SESN1: variants seen among roughly 807,000 people sequenced by gnomAD.
The protein encoded by SESN1 is sestrin-1.
In SESN1, 30 loss-of-function variants were observed where a neutral mutation model predicts 59.3. The ratio of observed to expected loss-of-function variants is 0.51; its 90% CI spans 0.38 to 0.69. The LOEUF (loss-of-function observed/expected upper bound fraction) is 0.69, where lower values mean the gene tolerates loss of function less well. Among genes scored for constraint, SESN1 ranks in the 30% least tolerant of loss-of-function variants. The pLI, the probability that SESN1 is intolerant of heterozygous loss-of-function variation, is 0.00. For missense variants in SESN1, 566 were observed against 673.0 expected (o/e 0.84, Z 1.76); for synonymous variants, 197 against 219.9 (o/e 0.90, Z 0.92).
chr6:109,005,094 A>G (rs1779706739), intron 1 of SESN1, among the ~76,000 whole-genome samples: 2 of 152,358 alleles, frequency 1.3e-5, no homozygotes, highest in South Asian at 4.1e-4. Flanking sequence ...AGATGTGCTC[A>G]CATTTGTGAA....
intron 1 of SESN1, among the ~76,000 whole-genome samples, chr6:109,029,459 T>C (rs749707593): frequency 1.1e-4 from 17 of 152,238 alleles, no homozygotes; most frequent in Non-Finnish European, 2.1e-4. Context: ...CTGTGAATAC[T>C]GAATTTTAAA....
At chr6:109,060,612 C>T (rs969634054) in intron 1 of SESN1, among the ~76,000 whole-genome samples, 3 of 152,120 alleles carry the variant, frequency 2.0e-5, no homozygotes, top group Non-Finnish European at 4.4e-5. Flanking sequence ...CCTCATTTAC[C>T]TTTTTAGGTC....
rs75293371 is a variant in SESN1, at chr6:109,053,353, G to A, written c.279+40442C>T. Among the ~76,000 whole-genome samples, 1,337 of 152,198 alleles carry A rather than the reference G, an allele frequency of 8.8e-3. 28 individuals carry two copies. Among genetic ancestry groups the A allele is most frequent in the African/African-American group, 0.031 (1,286 of 41,532 alleles). ...AACCCAAACAATAAGACAACAGAGC[G>A]CTTAAGTCATATGCCACATATCCCA... On this transcript the variant is annotated intron_variant, in intron 1 of 9. Coordinates refer to ENST00000436639, the MANE Select transcript of SESN1 (RefSeq NM_014454.3).
intron 1 of SESN1, among the ~76,000 whole-genome samples, chr6:109,084,949 A>AAAAAGGCGGGAGAAGCCCCGG (rs1781188327): frequency 6.6e-6 from 1 of 152,178 alleles, no homozygotes; most frequent in African/African-American, 2.4e-5. Context: ...TAAAATACCA[A>AAAAAGGCGGGAGAAGCCCCGG]CTGGGAAAAT....
At chr6:109,015,460 C>T (rs757020469) in intron 1 of SESN1, among the ~76,000 whole-genome samples, 4 of 152,196 alleles carry the variant, frequency 2.6e-5, no homozygotes, top group Non-Finnish European at 5.9e-5. Flanking sequence ...GATTCAGAAA[C>T]ACTTTGTAAC....
At chr6:109,001,155 CAG>C (rs1308741693) in intron 3 of SESN1, 131 bp downstream of exon 3, 2 of 780,544 alleles carry the variant, frequency 2.6e-6, no homozygotes, top group Admixed American at 6.2e-5. Flanking sequence ...ATAGGAAAAA[CAG>C]AGACTGTGCA....
chr6:109,005,728 T>G (rs1415218040), intron 1 of SESN1, among the ~76,000 whole-genome samples: 1 of 152,100 alleles, frequency 6.6e-6, no homozygotes, highest in African/African-American at 2.4e-5. Flanking sequence ...GCCTCCAAAT[T>G]GAAGAGTCCT....
intron 1 of SESN1, among the ~76,000 whole-genome samples, chr6:109,053,048 G>A (rs1464771535): frequency 6.7e-6 from 1 of 149,856 alleles, no homozygotes; most frequent in Non-Finnish European, 1.5e-5. Context: ...AGACTAGGAT[G>A]TGTGTGTGTG....
intron 1 of SESN1, among the ~76,000 whole-genome samples, chr6:109,017,555 G>T (rs1461126204): frequency 6.6e-6 from 1 of 152,084 alleles, no homozygotes; most frequent in Admixed American, 6.6e-5. Flanking sequence ...AAAGTGCTGG[G>T]ATTGCAGGTG....
rs761118327 is a variant in SESN1 at position 109,093,933 on chromosome 6, A to T, written c.141T>A (p.His47Gln). 1.9e-6 allele frequency: 3 copies of T among 1,614,206 alleles called. No individual in the cohort carries two copies. The highest frequency in any genetic ancestry group is 2.5e-6 in the Non-Finnish European group (3 of 1,180,046). ...TATTTGAAAGCCCGTCTGATGGACG[A>T]TGAGGTGTTTCTTTCACCGAACGAA... ...EYLRSVKETPHRPSDGLSNTE... is the reference protein window; with the variant it reads ...EYLRSVKETPQRPSDGLSNTE... The change falls in exon 1 of 10, where the codon CAT (histidine) becomes CAA (glutamine). Residue 47 changes from histidine (H) to glutamine (Q), a missense_variant. By Grantham distance (24) the His-to-Gln change is conservative (BLOSUM62 0). Coordinates refer to ENST00000436639, the MANE Select transcript of SESN1 (RefSeq NM_014454.3).
chr6:108,997,710 C>T (rs1779529079), intron 5 of SESN1, among the ~76,000 whole-genome samples: 1 of 152,152 alleles, frequency 6.6e-6, no homozygotes. Context: ...CCTGTCAAAT[C>T]TATTTCAAAG....
At chr6:109,007,627 A>G (rs1779760056) in intron 1 of SESN1, among the ~76,000 whole-genome samples, 1 of 148,606 alleles carries the variant, frequency 6.7e-6, no homozygotes, top group Admixed American at 6.7e-5. Context: ...GATTGCCTAT[A>G]GCTGGGTGCT....
chr6:109,014,941 A>G (rs1004568312), intron 1 of SESN1, among the ~76,000 whole-genome samples: 1 of 152,224 alleles, frequency 6.6e-6, no homozygotes, highest in African/African-American at 2.4e-5. Flanking sequence ...TCTCAATAGG[A>G]TATAAGCTTC....
At chr6:109,020,305 A>AT (rs1161004069) in intron 1 of SESN1, among the ~76,000 whole-genome samples, 1 of 152,240 alleles carries the variant, frequency 6.6e-6, no homozygotes, top group Non-Finnish European at 1.5e-5. Context: ...AATAGATTAG[A>AT]TTTTAGTATT....
chr6:109,021,975 A>T (rs1414796035), intron 1 of SESN1, among the ~76,000 whole-genome samples: 1 of 152,148 alleles, frequency 6.6e-6, no homozygotes, highest in Admixed American at 6.5e-5. Flanking sequence ...AAATTTATAT[A>T]TGTGGATATA....
At chr6:108,993,870 G>A (rs1026948037) in intron 6 of SESN1, among the ~76,000 whole-genome samples, 6 of 151,584 alleles carry the variant, frequency 4.0e-5, no homozygotes, top group South Asian at 2.1e-4. Flanking sequence ...ACAAACTGCC[G>A]TGCCCAAAAA....
intron 1 of SESN1, among the ~76,000 whole-genome samples, chr6:109,038,848 A>G (rs1780286693): frequency 6.6e-6 from 1 of 151,986 alleles, no homozygotes; most frequent in Non-Finnish European, 1.5e-5. Context: ...GAAAGGAAAA[A>G]GAAGAGCAAG....
At position 108,984,314 on chromosome 6, in the gene SESN1, T is replaced by C. The variant is rs989931912; in HGVS notation, c.*3230A>G. 6.6e-6 allele frequency among the ~76,000 whole-genome samples: 1 copy of C among 152,142 alleles called. No individual in the cohort carries two copies. Among genetic ancestry groups the C allele is most frequent in the African/African-American group, 2.4e-5 (1 of 41,392 alleles). The stretch of plus-strand genomic sequence containing the variant: ...ACAAAATACCTTAGACTGGGTAATT[T>C]ATAGATAACAGAAATTTATTGCTCA... On this transcript the variant is annotated 3_prime_UTR_variant, in exon 10 of 10. Transcript: ENST00000436639.
chr6:108,993,390 C>T (rs907644141), intron 6 of SESN1, among the ~76,000 whole-genome samples: 16 of 152,148 alleles, frequency 1.1e-4, no homozygotes, highest in Non-Finnish European at 1.6e-4. Context: ...TCTGGACTAT[C>T]ATCATGTTTA....
Sources: gnomAD v4.1 joint callset for allele counts (sites outside exome capture counted in the v4.1 genomes callset) on GRCh38, gnomAD v4.1.1 for gene constraint, MANE v1.5 for transcripts, NCBI Gene and HGNC (gene_info 2026-07-23, HGNC 2026-07-21) for gene names.